The following CCDC85A variants were observed in gnomAD, a reference collection of about 807,000 sequenced individuals.
The protein encoded by CCDC85A is coiled-coil domain-containing protein 85A.
CCDC85A carries 38 observed loss-of-function variants against 50.2 expected under a neutral mutation model. The observed-to-expected ratio is 0.76, with a 90% CI of 0.58 to 0.99. CCDC85A has a LOEUF of 0.99. CCDC85A is among the 50% of genes least tolerant of loss of function. The pLI, the probability that CCDC85A is intolerant of heterozygous loss-of-function variation, is 0.00. For synonymous variants in CCDC85A, 366 were observed against 301.4 expected, an observed-to-expected ratio of 1.21 and a Z score of -2.22; for missense variants, 820 against 742.0, an observed-to-expected ratio of 1.11 and a Z score of -1.22.
intron 2 of CCDC85A, among the ~76,000 whole-genome samples, chr2:56,254,579 A>G (rs1296705947): frequency 1.3e-5 from 2 of 152,210 alleles, no homozygotes; most frequent in Non-Finnish European, 2.9e-5. Flanking sequence ...CCGCTGTTCT[A>G]GACTGGGTTT....
chr2:56,289,967 C>G (rs1438373783), intron 2 of CCDC85A, among the ~76,000 whole-genome samples: 1 of 152,100 alleles, frequency 6.6e-6, no homozygotes, highest in Non-Finnish European at 1.5e-5. Flanking sequence ...GGCTATGGGT[C>G]AAACCTTATC....
intron 2 of CCDC85A, among the ~76,000 whole-genome samples, chr2:56,316,903 T>G (rs1241461155): frequency 6.6e-6 from 1 of 152,132 alleles, no homozygotes; most frequent in East Asian, 1.9e-4. Context: ...CCACAGAGAT[T>G]TTTAAAAAAT....
rs1669530263 is a variant in CCDC85A at position 56,246,774 on chromosome 2, TTC to T, written c.1240+53336_1240+53337del. On this transcript the variant is annotated intron_variant, in intron 2 of 5. Transcript: ENST00000407595. ...ACATCTTATTTTCCAATGCACAGAT[TTC>T]TTTTATTGATCTTTTCTTTAAAATA... Among the ~76,000 whole-genome samples the T allele has an allele frequency of 4.6e-5, 7 of 152,344 alleles. No homozygotes were observed. The South Asian group carries it at 1.5e-3, about 32-fold the overall frequency.
intron 5 of CCDC85A, among the ~76,000 whole-genome samples, chr2:56,378,946 A>T (rs1676462050): frequency 6.6e-6 from 1 of 152,232 alleles, no homozygotes; most frequent in Non-Finnish European, 1.5e-5. Flanking sequence ...TAAAAACAAC[A>T]AACAGCACAG....
intron 5 of CCDC85A, among the ~76,000 whole-genome samples, chr2:56,380,682 G>A (rs190324789): frequency 3.3e-5 from 5 of 151,872 alleles, no homozygotes; most frequent in East Asian, 3.9e-4. Flanking sequence ...CATATTCAAC[G>A]CAATCATTAA....
Position 56,363,592 on chromosome 2 carries a change from G to T in CCDC85A, c.1318-8752G>T, listed in dbSNP as rs79486735. Among the ~76,000 whole-genome samples, 1,059 of 152,266 alleles carry T rather than the reference G, an allele frequency of 7.0e-3. 10 individuals carry two copies. The highest frequency in any genetic ancestry group is 0.024 in the African/African-American group (981 of 41,554). On this transcript the variant is annotated intron_variant, in intron 3 of 5. Coordinates refer to ENST00000407595, the MANE Select transcript of CCDC85A (RefSeq NM_001080433.2). ...TTCATATACTAGAAGATTCATCAAAGAACCTAAGACCCTTCTTTTTGCCAA... is the reference window on the plus strand; with the variant it reads ...TTCATATACTAGAAGATTCATCAAATAACCTAAGACCCTTCTTTTTGCCAA...
At chr2:56,382,652 T>C (rs1358964509) in intron 5 of CCDC85A, among the ~76,000 whole-genome samples, 2 of 152,046 alleles carry the variant, frequency 1.3e-5, no homozygotes, top group African/African-American at 4.8e-5. Context: ...AATAAGTCAC[T>C]ACTCCTGTGT....
chr2:56,330,529 C>T (rs1421656796), intron 2 of CCDC85A, among the ~76,000 whole-genome samples: 1 of 152,172 alleles, frequency 6.6e-6, no homozygotes, highest in African/African-American at 2.4e-5. Flanking sequence ...TCTTTCCTTT[C>T]TTCCATTATT....
intron 2 of CCDC85A, among the ~76,000 whole-genome samples, chr2:56,205,536 A>T (rs1013873881): frequency 6.6e-6 from 1 of 152,178 alleles, no homozygotes; most frequent in East Asian, 1.9e-4. Context: ...TTATTACAAC[A>T]AATTAAAGGC....
chr2:56,299,699 C>T (rs1212652184), intron 2 of CCDC85A, among the ~76,000 whole-genome samples: 2 of 152,056 alleles, frequency 1.3e-5, no homozygotes, highest in Non-Finnish European at 2.9e-5. Context: ...CATACTGAAT[C>T]AAGAAAATCA....
intron 2 of CCDC85A, among the ~76,000 whole-genome samples, chr2:56,252,226 T>G (rs1480255548): frequency 6.6e-6 from 1 of 152,108 alleles, no homozygotes; most frequent in African/African-American, 2.4e-5. Flanking sequence ...TTTTGTATTT[T>G]TAGTAGAGAC....
intron 2 of CCDC85A, among the ~76,000 whole-genome samples, chr2:56,258,391 AGT>A (rs997837658): frequency 3.7e-4 from 57 of 152,286 alleles, no homozygotes; most frequent in African/African-American, 1.3e-3. Context: ...AAGGAAAGAC[AGT>A]GTGTTTTTCC....
intron 2 of CCDC85A, among the ~76,000 whole-genome samples, chr2:56,269,252 C>G (rs1670592181): frequency 6.6e-6 from 1 of 152,054 alleles, no homozygotes. Context: ...CCCAGTCATT[C>G]CCAATTAAAT....
chr2:56,248,062 A>G (rs1669588354), intron 2 of CCDC85A, among the ~76,000 whole-genome samples: 1 of 152,192 alleles, frequency 6.6e-6, no homozygotes, highest in African/African-American at 2.4e-5. Flanking sequence ...TCACTGGATC[A>G]TTTCAGAAAG....
intron 2 of CCDC85A, among the ~76,000 whole-genome samples, chr2:56,340,378 C>G (rs558524983): frequency 3.4e-4 from 52 of 152,312 alleles, no homozygotes; most frequent in African/African-American, 1.2e-3. Context: ...CGTATTGCCT[C>G]TTGCCCTTTT....
At chr2:56,348,736 G>T (rs185482365) in intron 3 of CCDC85A, among the ~76,000 whole-genome samples, 35 of 152,308 alleles carry the variant, frequency 2.3e-4, no homozygotes, top group African/African-American at 8.4e-4. Flanking sequence ...TCACCACGGT[G>T]CTTATGCAGA....
chr2:56,275,809 T>C lies in CCDC85A; in HGVS notation c.1241-67070T>C, dbSNP rs990898547. ...ATAAGTTAGAGCTTGTTCTGTTATT[T>C]TTACCCATAAGCAAAAGCCAAATCC... On this transcript the variant is annotated intron_variant, in intron 2 of 5. Transcript: ENST00000407595. 1.2e-4 allele frequency among the ~76,000 whole-genome samples: 18 copies of C among 152,234 alleles called. 1 individual carries two copies. The highest frequency in any genetic ancestry group is 2.6e-4 in the Non-Finnish European group (18 of 68,040).
intron 2 of CCDC85A, among the ~76,000 whole-genome samples, chr2:56,213,642 G>C (rs1213004905): frequency 1.3e-5 from 2 of 151,852 alleles, no homozygotes; most frequent in Non-Finnish European, 2.9e-5. Context: ...AACAGAGATT[G>C]AACTGCCTCT....
intron 2 of CCDC85A, among the ~76,000 whole-genome samples, chr2:56,329,110 C>T (rs773219365): frequency 1.3e-5 from 2 of 152,176 alleles, no homozygotes; most frequent in East Asian, 1.9e-4. Flanking sequence ...CCCTTCCCCC[C>T]TCATTTCCTT....
Sources: gnomAD v4.1 joint callset for allele counts (sites outside exome capture counted in the v4.1 genomes callset) on GRCh38, gnomAD v4.1.1 for gene constraint, MANE v1.5 for transcripts, NCBI Gene and HGNC (gene_info 2026-07-23, HGNC 2026-07-21) for gene names.